Variants in WDR35 observed in about 807,000 individuals in gnomAD.
WDR35 encodes WD repeat-containing protein 35.
In WDR35, 118 loss-of-function variants were observed where a neutral mutation model predicts 158.3. That is an observed-to-expected ratio of 0.75 (90% CI 0.64 to 0.87). The LOEUF is 0.87. Ranked by LOEUF, WDR35 falls within the 40% of genes least tolerant of loss-of-function variation. The pLI, the probability that WDR35 is intolerant of heterozygous loss-of-function variation, is 0.00. For missense variants in WDR35, 1,263 were observed against 1,405.8 expected (o/e 0.90, Z 1.62); for synonymous variants, 448 against 476.1 (o/e 0.94, Z 0.77).
In WDR35 at chr2:19,935,461, C is replaced by G. The variant is rs1341235163; in HGVS notation, c.2547+10G>C. On this transcript the variant is annotated intron_variant, in intron 21 of 26. Coordinates refer to ENST00000281405, the MANE Select transcript of WDR35 (RefSeq NM_020779.4). ...TAACAATTCCAAAAACTAAAATTTG[C>G]AATACCTACTGGAAGTAACTTGTGG... 3 of 1,611,860 alleles carry G rather than the reference C, an allele frequency of 1.9e-6. No homozygotes were observed. The South Asian group carries it at 3.3e-5, about 18-fold the overall frequency.
chr2:19,941,796 A>G lies in WDR35; in HGVS notation c.1889T>C (p.Leu630Ser). The change falls in exon 17 of 27, where the codon TTA becomes TCA. Residue 630 changes from leucine to serine, a missense_variant. Physicochemically the swap from Leu to Ser is moderately radical, Grantham distance 145. Coordinates refer to ENST00000281405, the MANE Select transcript of WDR35 (RefSeq NM_020779.4). ...ATCCAAAAGAACAGATTTAATTTCT[A>G]AATCCTCAAAATTACAAATATATCC... Reference protein sequence around the residue: ...TSGYICNFEDLEIKSVLLDEI... With the variant: ...TSGYICNFEDSEIKSVLLDEI... The G allele has an allele frequency of 6.4e-7, 1 of 1,573,550 alleles. No individual in the cohort carries two copies. Among genetic ancestry groups the G allele is most frequent in the Non-Finnish European group, 8.7e-7 (1 of 1,151,598 alleles).
At chr2:19,965,781 TAAAA>T (rs1268935116) in intron 10 of WDR35, among the ~76,000 whole-genome samples, 3 of 152,086 alleles carry the variant, frequency 2.0e-5, no homozygotes, top group South Asian at 2.1e-4. Flanking sequence ...TCCTTCTTCT[TAAAA>T]AAAGTTTTCT....
At position 19,946,571 on chromosome 2, in the gene WDR35, C is replaced by T. The variant is rs765967028; in HGVS notation, c.1525-1G>A. 5 of 1,612,870 alleles carry T rather than the reference C, an allele frequency of 3.1e-6. No homozygotes were observed. Among genetic ancestry groups the T allele is most frequent in the Non-Finnish European group, 4.2e-6 (5 of 1,179,138 alleles). The stretch of plus-strand genomic sequence containing the variant: ...TCTGAATGGTGCCAGATTCACGACC[C>T]TATGGAAATTACTTTTGATTACTTA... On this transcript the variant is annotated splice_acceptor_variant, in intron 14 of 26. Coordinates refer to ENST00000281405, the MANE Select transcript of WDR35 (RefSeq NM_020779.4). LOFTEE classifies it high-confidence loss of function.
At chr2:19,945,253 G>A (rs1671009298) in intron 16 of WDR35, among the ~76,000 whole-genome samples, 1 of 152,126 alleles carries the variant, frequency 6.6e-6, no homozygotes. Flanking sequence ...CCAAAAGAGA[G>A]ATTAATCCCT....
At chr2:19,975,024 C>A (rs1218490918) in intron 6 of WDR35, among the ~76,000 whole-genome samples, 1 of 152,192 alleles carries the variant, frequency 6.6e-6, no homozygotes, top group Admixed American at 6.5e-5. Context: ...CTAAACCTTG[C>A]AAAGCCAGAA....
chr2:19,948,438 G>GA (rs1443507668), intron 13 of WDR35, among the ~76,000 whole-genome samples: 1 of 152,168 alleles, frequency 6.6e-6, no homozygotes, highest in Non-Finnish European at 1.5e-5. Flanking sequence ...TATTGAGGAA[G>GA]ACAGTGAACT....
chr2:19,970,822 C>T (rs545951257), intron 8 of WDR35, among the ~76,000 whole-genome samples: 6 of 152,268 alleles, frequency 3.9e-5, no homozygotes, highest in South Asian at 4.1e-4. Flanking sequence ...TCCTGGAGCA[C>T]GCCTATTCAT....
At chr2:19,941,010 C>T (rs1484791759) in intron 17 of WDR35, among the ~76,000 whole-genome samples, 1 of 152,058 alleles carries the variant, frequency 6.6e-6, no homozygotes, top group Non-Finnish European at 1.5e-5. Flanking sequence ...AATAAAATAG[C>T]CATAATTTAC....
intron 25 of WDR35, among the ~76,000 whole-genome samples, chr2:19,916,504 G>T (rs1377568069): frequency 6.6e-6 from 1 of 152,214 alleles, no homozygotes; most frequent in Admixed American, 6.5e-5. Context: ...AAAGTCTCAT[G>T]GTTAGCACAG....
chr2:19,981,549 G>T (rs534594360), intron 3 of WDR35, among the ~76,000 whole-genome samples: 1 of 151,782 alleles, frequency 6.6e-6, no homozygotes, highest in East Asian at 1.9e-4. Context: ...ACAGGATCTT[G>T]CACTGTCACC....
chr2:19,960,523 G>A (rs773139697), intron 11 of WDR35, 31 bp downstream of exon 11: 3 of 1,550,480 alleles, frequency 1.9e-6, no homozygotes, highest in Non-Finnish European at 2.7e-6. Flanking sequence ...AAACCTGATT[G>A]GAAAAGAAAT....
chr2:19,968,203 T>C (rs986775117), intron 9 of WDR35, among the ~76,000 whole-genome samples: 26 of 152,328 alleles, frequency 1.7e-4, no homozygotes, highest in Admixed American at 1.5e-3. Context: ...GGGCATGTGA[T>C]AGCCACATGA....
In WDR35 at chr2:19,931,299, C is replaced by G. The variant is rs1240750043; in HGVS notation, c.2934G>C (p.Gln978His). Residue 978 changes from glutamine (Q) to histidine (H), a missense_variant, in exon 24 of 27, where the codon CAG (glutamine) becomes CAC (histidine). Gln to His is a conservative substitution (Grantham distance 24, BLOSUM62 0). Coordinates refer to ENST00000281405, the MANE Select transcript of WDR35 (RefSeq NM_020779.4). ...AACTTTTTCCTTTAACTTTTCCTCG[C>G]TGGGCATTCTTCATCTGTTCATGGT... is the stretch of plus-strand genomic sequence containing the variant. ...EQYHEQMKNA[Q>H]RGKVKGKSSE... The G allele has an allele frequency of 1.9e-6, 3 of 1,612,768 alleles. No individual in the cohort carries two copies. The highest frequency in any genetic ancestry group is 1.3e-5 in the African/African-American group (1 of 74,770).
At position 19,934,672 on chromosome 2, in the gene WDR35, T is replaced by G. The variant is rs945750230; in HGVS notation, c.2547+799A>C. Reference sequence around the variant, plus strand: ...GACAACACTAACGGAGTATACACTCTTCCCTATACCCAGGGTTCTAAGTAA... The same window carrying G: ...GACAACACTAACGGAGTATACACTCGTCCCTATACCCAGGGTTCTAAGTAA... On this transcript the variant is annotated intron_variant, in intron 21 of 26. Transcript: ENST00000281405. This position sits in a 1 kb window ranked among gnomAD's most constrained non-coding sequence, Gnocchi z 4.6. Among the ~76,000 whole-genome samples, 1 of 152,174 alleles carries G rather than the reference T, an allele frequency of 6.6e-6. No individual in the cohort carries two copies. Among genetic ancestry groups the G allele is most frequent in the Non-Finnish European group, 1.5e-5 (1 of 68,028 alleles).
intron 25 of WDR35, among the ~76,000 whole-genome samples, chr2:19,921,239 T>C (rs965127614): frequency 2.6e-5 from 4 of 152,188 alleles, no homozygotes; most frequent in Non-Finnish European, 4.4e-5. Context: ...TTAAATTTCA[T>C]ATGGAACCAA....
At chr2:19,973,515 A>C in intron 8 of WDR35, 48 bp downstream of exon 8, 3 of 1,613,334 alleles carry the variant, frequency 1.9e-6, no homozygotes, top group Non-Finnish European at 2.5e-6. Context: ...TACCTTACTC[A>C]CTGCACATTT....
At chr2:19,975,781 A>G in intron 5 of WDR35, 118 bp from the exon 6 acceptor site, 1 of 1,358,510 alleles carries the variant, frequency 7.4e-7, no homozygotes, top group Non-Finnish European at 1.0e-6. Context: ...CATTCATTCA[A>G]TTTATTTGGC....
intron 8 of WDR35, among the ~76,000 whole-genome samples, chr2:19,970,654 T>C (rs1377958914): frequency 1.3e-5 from 2 of 152,218 alleles, no homozygotes; most frequent in East Asian, 3.8e-4. Flanking sequence ...AAAATCATAT[T>C]ATGTGGCTTA....
intron 25 of WDR35, among the ~76,000 whole-genome samples, chr2:19,919,199 T>TA (rs1373815619): frequency 6.6e-6 from 1 of 151,374 alleles, no homozygotes; most frequent in Non-Finnish European, 1.5e-5. Flanking sequence ...GCTAACATGG[T>TA]AAAACCCCAT....
Sources: allele counts gnomAD v4.1 joint callset (sites outside exome capture counted in the v4.1 genomes callset), GRCh38; gene constraint gnomAD v4.1.1; non-coding constraint Gnocchi (gnomAD v3.1); transcripts MANE v1.5; gene names NCBI Gene and HGNC (gene_info 2026-07-23, HGNC 2026-07-21).